Variants in TENM1 observed in about 807,000 individuals in gnomAD.
TENM1 encodes teneurin-1.
In TENM1, 35 loss-of-function variants were observed where a neutral mutation model predicts 174.8. That is an observed-to-expected ratio of 0.20 (90% CI 0.15 to 0.27). TENM1 has a LOEUF of 0.27. Among genes scored for constraint, TENM1 ranks in the 10% least tolerant of loss-of-function variants. TENM1 has a pLI of 1.00. For synonymous variants in TENM1, 781 were observed against 798.7 expected (o/e 0.98, Z 0.37); for missense variants, 1,633 against 2,130.1 (o/e 0.77, Z 4.59).
chrX:124,946,735 A>G (rs753976099), intron 1 of TENM1, among the ~76,000 whole-genome samples: 2 of 111,217 alleles, frequency 1.8e-5, no homozygotes, highest in South Asian at 3.8e-4. Flanking sequence ...TCTAAGAAAA[A>G]TCATTAACCT....
the TENM1 span, among the ~76,000 whole-genome samples, chrX:125,090,581 G>A: frequency 9.0e-6 from 1 of 111,274 alleles, no homozygotes; most frequent in Non-Finnish European, 1.9e-5. Context: ...CTTGAGCCCA[G>A]GAGTTAGAGG....
intron 1 of TENM1, among the ~76,000 whole-genome samples, chrX:124,933,115 T>C (rs1281063931): frequency 8.9e-6 from 1 of 112,097 alleles, no homozygotes; most frequent in Non-Finnish European, 1.9e-5. Flanking sequence ...CTCCAACTTT[T>C]GATTATTCAT....
chrX:124,717,247 C>G (rs1489530793), intron 4 of TENM1, among the ~76,000 whole-genome samples: 1 of 111,681 alleles, frequency 9.0e-6, no homozygotes, highest in African/African-American at 3.3e-5. Context: ...TTGGTAACCA[C>G]ATAAGCATAT....
intron 3 of TENM1, among the ~76,000 whole-genome samples, chrX:124,814,812 G>A (rs2055862598): frequency 8.9e-6 from 1 of 111,749 alleles, no homozygotes; most frequent in African/African-American, 3.2e-5. Flanking sequence ...AATAATTCCA[G>A]TTCCTGACCT....
intron 11 of TENM1, among the ~76,000 whole-genome samples, chrX:124,620,429 T>A (rs2050491997): frequency 8.9e-6 from 1 of 112,381 alleles, no homozygotes; most frequent in African/African-American, 3.2e-5. Context: ...ATCTTTCCGT[T>A]AATTCTGTAC....
At chrX:125,105,147 C>T in the TENM1 span, among the ~76,000 whole-genome samples, 3 of 111,376 alleles carry the variant, frequency 2.7e-5, no homozygotes, top group Admixed American at 9.5e-5. Flanking sequence ...CTGGAAAGCA[C>T]GGTACAAACC....
intron 19 of TENM1, among the ~76,000 whole-genome samples, chrX:124,498,765 C>T (rs1295005660): frequency 9.1e-6 from 1 of 110,394 alleles, no homozygotes; most frequent in Non-Finnish European, 1.9e-5. Flanking sequence ...ACATTTACCA[C>T]ATGTGTGATA....
chrX:124,886,542 T>TAGAGAGAGAG (rs1193540402), intron 3 of TENM1, among the ~76,000 whole-genome samples: 12 of 88,668 alleles, frequency 1.4e-4, no homozygotes, highest in African/African-American at 5.0e-4. Context: ...TATATATATA[T>TAGAGAGAGAG]ATATATAGAG....
At chrX:124,379,336 G>C (rs2060132522) in exon 32 of TENM1, 1 of 112,220 alleles carries the variant, frequency 8.9e-6, no homozygotes, top group Non-Finnish European at 1.9e-5. Context: ...AAATGTTTTC[G>C]GTTGGAAAGG....
intron 5 of TENM1, among the ~76,000 whole-genome samples, chrX:124,683,261 A>T (rs1160766870): frequency 8.9e-6 from 1 of 111,772 alleles, no homozygotes; most frequent in Non-Finnish European, 1.9e-5. Context: ...CAGAGAGCTG[A>T]CACTAGGACC....
chrX:124,756,824 T>C (rs2054262197), intron 3 of TENM1, among the ~76,000 whole-genome samples: 1 of 111,919 alleles, frequency 8.9e-6, no homozygotes. Context: ...GAACCGCGAA[T>C]GCTGCTGTCT....
At chrX:125,114,717 A>G in the TENM1 span, among the ~76,000 whole-genome samples, 1 of 111,482 alleles carries the variant, frequency 9.0e-6, no homozygotes, top group African/African-American at 3.3e-5. Context: ...GAATAGACCA[A>G]TAACAAGTTC....
intron 3 of TENM1, among the ~76,000 whole-genome samples, chrX:124,819,645 A>C (rs1464731352): frequency 9.0e-6 from 1 of 111,271 alleles, no homozygotes; most frequent in Non-Finnish European, 1.9e-5. Flanking sequence ...GGCCTACATA[A>C]TTGTAGGAAA....
At chrX:125,082,047 A>G in the TENM1 span, among the ~76,000 whole-genome samples, 1 of 111,018 alleles carries the variant, frequency 9.0e-6, no homozygotes, top group Non-Finnish European at 1.9e-5. Context: ...GGTACAAGGT[A>G]TGTTATTTTG....
intron 25 of TENM1, among the ~76,000 whole-genome samples, chrX:124,411,030 A>T (rs1305968930): frequency 8.9e-6 from 1 of 112,148 alleles, no homozygotes; most frequent in East Asian, 2.8e-4. Context: ...ATCCATGCAT[A>T]GGGGTACAAG....
intron 3 of TENM1, among the ~76,000 whole-genome samples, chrX:124,893,008 G>C (rs1569475833): frequency 8.9e-6 from 1 of 111,935 alleles, no homozygotes; most frequent in African/African-American, 3.2e-5. Context: ...GAAATAACTT[G>C]TTTCCTCAAA....
Position 124,490,275 on chromosome X carries a change from T to C in TENM1, c.3696-3046A>G, listed in dbSNP as rs746427749. On this transcript the variant is annotated intron_variant, in intron 20 of 31. Coordinates refer to ENST00000422452, the Ensembl canonical transcript of TENM1. ...ATCCTTGAGTACCACTGCTAATACA[T>C]GAGATCAAACTGGGGAGGTAACCAC... 8.0e-5 allele frequency among the ~76,000 whole-genome samples: 9 copies of C among 111,806 alleles called. No individual in the cohort carries two copies. In the South Asian group the frequency reaches 2.7e-3, roughly 33 times the overall value.
exon 24 of TENM1, chrX:124,422,405 G>A: frequency 8.3e-7 from 1 of 1,211,675 alleles, no homozygotes; most frequent in Non-Finnish European, 1.1e-6. Flanking sequence ...CAGCTATGAA[G>A]AGCAGCCCGC....
chrX:124,496,997 G>A lies in TENM1; in HGVS notation c.3695+19C>T. The stretch of plus-strand genomic sequence containing the variant: ...GCTTTATCTGCTAAGCAAATATATA[G>A]AGATTAGAGAAGACTTACCTTAATT... On this transcript the variant is annotated intron_variant, in intron 20 of 31. Coordinates refer to ENST00000422452, the Ensembl canonical transcript of TENM1. 1 of 1,200,660 alleles carries A rather than the reference G, an allele frequency of 8.3e-7. No individual in the cohort carries two copies. Among genetic ancestry groups the A allele is most frequent in the Non-Finnish European group, 1.1e-6 (1 of 886,919 alleles).
Sources: allele counts gnomAD v4.1 joint callset (sites outside exome capture counted in the v4.1 genomes callset), GRCh38; gene constraint gnomAD v4.1.1; transcripts MANE v1.5; gene names NCBI Gene and HGNC (gene_info 2026-07-23, HGNC 2026-07-21).